TNPO1: variants seen among roughly 807,000 people sequenced by gnomAD.
The protein encoded by TNPO1 is transportin-1.
Under a neutral mutation model 119.5 loss-of-function variants are expected in TNPO1, and 8 were observed. The observed-to-expected ratio is 0.07, with a 90% confidence interval of 0.04 to 0.12. The LOEUF is 0.12. TNPO1 is among the 10% of genes least tolerant of loss of function. The probability of loss-of-function intolerance (pLI) is 1.00; values close to 1 mark genes in which losing one functional copy is unlikely to be tolerated. For missense variants in TNPO1, 576 were observed against 1,089.8 expected (o/e 0.53, Z 6.64); for synonymous variants, 362 against 363.0 (o/e 1.00, Z 0.03).
chr5:72,872,703 A>G lies in TNPO1; in HGVS notation c.661A>G (p.Ile221Val). The G allele has an allele frequency of 6.2e-7, 1 of 1,607,586 alleles. No individual in the cohort carries two copies. The highest frequency in any genetic ancestry group is 8.5e-7 in the Non-Finnish European group (1 of 1,177,210). The change falls in exon 7 of 25, where the codon ATT becomes GTT. Residue 221 changes from isoleucine (I) to valine (V), a missense_variant. This residue lies in a region of TNPO1 where 310 missense variants were observed against 583.0 expected (regional missense o/e 0.53). Coordinates refer to ENST00000337273, the MANE Select transcript of TNPO1 (RefSeq NM_002270.4). Reference sequence around the variant, plus strand: ...TAGGACTCAAGCTCTAATGTTGCACATTGATTCTTTTATTGAGGTAAGACT... The same window carrying G: ...TAGGACTCAAGCTCTAATGTTGCACGTTGATTCTTTTATTGAGGTAAGACT... ...ISRTQALMLH[I>V]DSFIENLFAL...
intron 14 of TNPO1, 84 bp downstream of exon 14, chr5:72,890,041 A>T: frequency 5.4e-6 from 8 of 1,478,392 alleles, no homozygotes; most frequent in Non-Finnish European, 7.4e-6. Flanking sequence ...GGAAATTAAG[A>T]TGTTTTGGGA....
intron 1 of TNPO1, among the ~76,000 whole-genome samples, chr5:72,830,734 C>T (rs755114734): frequency 9.2e-5 from 14 of 152,076 alleles, no homozygotes; most frequent in South Asian, 2.1e-4. Flanking sequence ...ATTGAGGTAT[C>T]GTTTCATGTG....
At chr5:72,858,247 A>G (rs1016546541) in intron 4 of TNPO1, among the ~76,000 whole-genome samples, 3 of 152,190 alleles carry the variant, frequency 2.0e-5, no homozygotes, top group African/African-American at 7.2e-5. Flanking sequence ...ATGAAACAAG[A>G]TTGACCATGT....
chr5:72,888,380 G>A, intron 13 of TNPO1, 77 bp downstream of exon 13: 2 of 1,265,216 alleles, frequency 1.6e-6, no homozygotes, highest in African/African-American at 1.5e-5. Context: ...GAGTGTTGGT[G>A]TTAAACCTAT....
intron 1 of TNPO1, among the ~76,000 whole-genome samples, chr5:72,827,774 G>C (rs1744269351): frequency 6.6e-6 from 1 of 151,852 alleles, no homozygotes; most frequent in African/African-American, 2.4e-5. Context: ...TTTTAAATTA[G>C]CTGGGCATGG....
Position 72,914,129 on chromosome 5 carries a change from C to T in TNPO1, c.*5456C>T, listed in dbSNP as rs777547514. ...GTCCTTCAAACATATCCTCCTGCAA[C>T]TTCTCAAACTGTACTAAATTGATAT... On this transcript the variant is annotated 3_prime_UTR_variant, in exon 25 of 25. Transcript: ENST00000337273. 1 of 152,604 alleles carries T rather than the reference C, an allele frequency of 6.6e-6. No homozygotes were observed. The highest frequency in any genetic ancestry group is 2.4e-5 in the African/African-American group (1 of 41,456). 9.5% of individuals were successfully genotyped at this position (152,604 alleles called of 1,614,324 possible).
chr5:72,869,541 C>T (rs1191404992), intron 6 of TNPO1, among the ~76,000 whole-genome samples: 1 of 151,818 alleles, frequency 6.6e-6, no homozygotes, highest in Non-Finnish European at 1.5e-5. Flanking sequence ...AGTGAGACTC[C>T]ATCTCAAAAA....
intron 1 of TNPO1, among the ~76,000 whole-genome samples, chr5:72,847,442 A>C (rs562495525): frequency 4.6e-5 from 7 of 152,350 alleles, no homozygotes; most frequent in Non-Finnish European, 1.0e-4. Flanking sequence ...GTCTTCACTG[A>C]TTAAGTGTGG....
intron 4 of TNPO1, among the ~76,000 whole-genome samples, chr5:72,860,242 ATCCAAT>A: frequency 6.6e-6 from 1 of 152,262 alleles, no homozygotes; most frequent in East Asian, 1.9e-4. Flanking sequence ...TTTTCTATAT[ATCCAAT>A]TGAATTTTCA....
At chr5:72,893,309 A>C in intron 16 of TNPO1, 63 bp downstream of exon 16, 1 of 1,605,698 alleles carries the variant, frequency 6.2e-7, no homozygotes, top group Non-Finnish European at 8.5e-7. Flanking sequence ...AGATAGGTAT[A>C]ATGTATACAG....
chr5:72,880,987 CCT>C (rs1237163177), intron 9 of TNPO1, among the ~76,000 whole-genome samples: 4 of 152,068 alleles, frequency 2.6e-5, no homozygotes, highest in African/African-American at 9.7e-5. Context: ...TATTTTCTGA[CCT>C]CATTTTTTCT....
chr5:72,841,069 T>A (rs949649258), intron 1 of TNPO1, among the ~76,000 whole-genome samples: 1 of 152,096 alleles, frequency 6.6e-6, no homozygotes, highest in African/African-American at 2.4e-5. Flanking sequence ...TAGTTTTGCA[T>A]TTTTTTCTCT....
chr5:72,824,240 A>G (rs756351066), intron 1 of TNPO1, among the ~76,000 whole-genome samples: 9 of 152,212 alleles, frequency 5.9e-5, no homozygotes, highest in African/African-American at 1.2e-4. Flanking sequence ...AATCATTTCT[A>G]TCAGCAAACA....
intron 6 of TNPO1, among the ~76,000 whole-genome samples, chr5:72,866,638 G>A (rs972595835): frequency 1.3e-5 from 2 of 151,992 alleles, no homozygotes; most frequent in Non-Finnish European, 2.9e-5. Context: ...CCTGTGGTCC[G>A]AGCTACTTGA....
At chr5:72,842,705 A>G (rs1411416320) in intron 1 of TNPO1, among the ~76,000 whole-genome samples, 1 of 152,182 alleles carries the variant, frequency 6.6e-6, no homozygotes, top group Non-Finnish European at 1.5e-5. Context: ...AATCATTTTT[A>G]TTGAAATATG....
At chr5:72,884,318 AT>A (rs1428232856) in intron 11 of TNPO1, among the ~76,000 whole-genome samples, 2 of 151,956 alleles carry the variant, frequency 1.3e-5, no homozygotes. Context: ...ACCTGCTCTT[AT>A]TTTATCATTA....
intron 1 of TNPO1, among the ~76,000 whole-genome samples, chr5:72,841,673 G>T (rs1313277511): frequency 6.6e-6 from 1 of 152,142 alleles, no homozygotes; most frequent in Non-Finnish European, 1.5e-5. Flanking sequence ...TAGTTCCACT[G>T]ATAGCTATAA....
Position 72,816,769 on chromosome 5 carries a change from T to C in TNPO1, c.15+17T>C. 1 of 1,582,224 alleles carries C rather than the reference T, an allele frequency of 6.3e-7. No individual in the cohort carries two copies. The highest frequency in any genetic ancestry group is 8.6e-7 in the Non-Finnish European group (1 of 1,166,374). On this transcript the variant is annotated intron_variant, in intron 1 of 24. Coordinates refer to ENST00000337273, the MANE Select transcript of TNPO1 (RefSeq NM_002270.4). ...TGGGACCGGGTAGGTGGCGTGAGGGTGCGCGGCCCCGAACTGCAGGGGCGG... is the reference window on the plus strand; with the variant it reads ...TGGGACCGGGTAGGTGGCGTGAGGGCGCGCGGCCCCGAACTGCAGGGGCGG...
rs542850312 is a variant in TNPO1 at position 72,879,044 on chromosome 5, C to T, written c.920+1698C>T. ...TTGTTCTTTGTTTTATGTACATAAG[C>T]ACATCTCTTGCCCAAAGAGAATTCT... On this transcript the variant is annotated intron_variant, in intron 9 of 24. Transcript: ENST00000337273. The T allele has an allele frequency of 1.0e-4, 33 of 319,806 alleles. 1 individual carries two copies. Among genetic ancestry groups the T allele is most frequent in the South Asian group, 9.3e-4 (33 of 35,546 alleles). The allele number at this position is 319,806 out of a possible 1,614,324, so 19.8% of individuals were successfully genotyped here. A position where few individuals can be genotyped will look rare whatever the true frequency, so the allele number is the denominator to read the frequency against.
Sources: allele counts gnomAD v4.1 joint callset (sites outside exome capture counted in the v4.1 genomes callset), GRCh38; gene constraint gnomAD v4.1.1; regional missense constraint gnomAD v4.1.1; transcripts MANE v1.5; gene names NCBI Gene and HGNC (gene_info 2026-07-23, HGNC 2026-07-21).